Variants in PCDH15 observed in about 807,000 individuals in gnomAD.
PCDH15 encodes the protein protocadherin related 15.
PCDH15 carries 129 observed loss-of-function variants against 178.5 expected under a neutral mutation model. That is an observed-to-expected ratio of 0.72 (90% CI 0.63 to 0.84). The LOEUF (loss-of-function observed/expected upper bound fraction) is 0.84. Ranked by LOEUF, PCDH15 falls within the 40% of genes least tolerant of loss-of-function variation. PCDH15 has a pLI of 0.00. For missense variants in PCDH15, 2,230 were observed against 2,099.9 expected, an observed-to-expected ratio of 1.06 and a Z score of -1.21; for synonymous variants, 800 against 732.0, an observed-to-expected ratio of 1.09 and a Z score of -1.50.
chr10:53,896,918 C>T (rs1466268032), intron 26 of PCDH15, among the ~76,000 whole-genome samples: 2 of 151,906 alleles, frequency 1.3e-5, no homozygotes, highest in African/African-American at 2.4e-5. Flanking sequence ...TACATTATGG[C>T]GAGTTTTATC....
chr10:54,576,666 A>T (rs1315757683), intron 2 of PCDH15, among the ~76,000 whole-genome samples: 1 of 152,214 alleles, frequency 6.6e-6, no homozygotes, highest in Non-Finnish European at 1.5e-5. Context: ...GTCTAAAAAG[A>T]TGCAAATTCT....
chr10:54,217,042 T>C (rs2052156725), intron 9 of PCDH15, among the ~76,000 whole-genome samples: 1 of 152,104 alleles, frequency 6.6e-6, no homozygotes, highest in Non-Finnish European at 1.5e-5. Flanking sequence ...TACAAAGGAA[T>C]ACATACACAC....
intron 2 of PCDH15, among the ~76,000 whole-genome samples, chr10:54,954,157 G>A (rs1054211947): frequency 2.6e-5 from 4 of 151,182 alleles, no homozygotes; most frequent in Non-Finnish European, 5.9e-5. Context: ...ATAATAGAAT[G>A]TCATTGAAGC....
chr10:54,788,640 A>G (rs1951108803), intron 1 of PCDH15, among the ~76,000 whole-genome samples: 1 of 151,944 alleles, frequency 6.6e-6, no homozygotes, highest in Non-Finnish European at 1.5e-5. Context: ...TAAAATGTAA[A>G]TAATTATAAA....
intron 2 of PCDH15, among the ~76,000 whole-genome samples, chr10:55,597,839 A>C (rs1174443069): frequency 4.6e-5 from 7 of 152,252 alleles, no homozygotes; most frequent in Admixed American, 3.3e-4. Flanking sequence ...TTAATTATTT[A>C]AAGCAAGGCA....
At position 54,299,248 on chromosome 10, in the gene PCDH15, TGA is replaced by T. The variant is rs1459194903; in HGVS notation, c.876+18021_876+18022del. On this transcript the variant is annotated intron_variant, in intron 8 of 37. Coordinates refer to ENST00000644397, the MANE Select transcript of PCDH15 (RefSeq NM_001384140.1). ...CAGAGACAAAGAAGAAGTCAAAGAG[TGA>T]GAGAGAGGAAGAGACAGAGAGACAG... Among the ~76,000 whole-genome samples, 6 of 139,718 alleles carry T rather than the reference TGA, an allele frequency of 4.3e-5. No individual in the cohort carries two copies. The East Asian group carries it at 1.1e-3, about 25-fold the overall frequency. 91.7% of individuals were successfully genotyped at this position (139,718 alleles called of 152,430 possible).
chr10:54,061,522 T>C (rs1661087314), intron 18 of PCDH15, among the ~76,000 whole-genome samples: 1 of 152,074 alleles, frequency 6.6e-6, no homozygotes, highest in East Asian at 1.9e-4. Context: ...GTATTTTTAT[T>C]TCCTTTTTTT....
At chr10:54,737,200 C>T (rs1218507339) in intron 1 of PCDH15, among the ~76,000 whole-genome samples, 2 of 152,034 alleles carry the variant, frequency 1.3e-5, no homozygotes, top group Admixed American at 6.6e-5. Context: ...TTCGTTGCTC[C>T]AGGTGCTGGC....
At chr10:55,400,232 T>C (rs915416994) in intron 2 of PCDH15, among the ~76,000 whole-genome samples, 2 of 152,226 alleles carry the variant, frequency 1.3e-5, no homozygotes, top group Middle Eastern at 3.4e-3. Flanking sequence ...AATGGAGTCC[T>C]CCTACAGCTT....
At chr10:54,279,208 C>A (rs2058528687) in intron 8 of PCDH15, among the ~76,000 whole-genome samples, 1 of 151,414 alleles carries the variant, frequency 6.6e-6, no homozygotes, top group South Asian at 2.1e-4. Flanking sequence ...TTAGGCTGGG[C>A]AGCTTTTTGT....
At chr10:54,199,721 T>G (rs1017603931) in intron 10 of PCDH15, among the ~76,000 whole-genome samples, 3 of 152,064 alleles carry the variant, frequency 2.0e-5, no homozygotes, top group African/African-American at 7.2e-5. Context: ...CCGTGGTGGA[T>G]GAAATGAGAA....
At chr10:54,391,228 C>T (rs1357459555) in intron 3 of PCDH15, among the ~76,000 whole-genome samples, 1 of 152,192 alleles carries the variant, frequency 6.6e-6, no homozygotes, top group African/African-American at 2.4e-5. Flanking sequence ...TACCTGCACT[C>T]ATCCCATGCC....
chr10:53,914,035 A>G (rs182703242), intron 25 of PCDH15, among the ~76,000 whole-genome samples: 14 of 152,364 alleles, frequency 9.2e-5, no homozygotes, highest in Admixed American at 7.8e-4. Flanking sequence ...ACTGGTCATC[A>G]GAGAAATGCA....
intron 1 of PCDH15, among the ~76,000 whole-genome samples, chr10:55,254,932 G>A (rs1420331005): frequency 1.4e-5 from 2 of 145,624 alleles, no homozygotes; most frequent in African/African-American, 5.0e-5. Flanking sequence ...AAATAATTCA[G>A]CTAGTTAGCT....
At chr10:54,879,518 T>C (rs1037933606) in intron 3 of PCDH15, among the ~76,000 whole-genome samples, 1 of 151,964 alleles carries the variant, frequency 6.6e-6, no homozygotes, top group African/African-American at 2.4e-5. Flanking sequence ...CATTATTCAA[T>C]AAACTTGAAA....
chr10:55,337,857 A>C (rs2131949535), intron 2 of PCDH15, among the ~76,000 whole-genome samples: 1 of 152,228 alleles, frequency 6.6e-6, no homozygotes, highest in East Asian at 1.9e-4. Flanking sequence ...GGAAATAATT[A>C]ACGAAATATA....
intron 2 of PCDH15, among the ~76,000 whole-genome samples, chr10:55,540,361 TA>T (rs1326877573): frequency 6.6e-6 from 1 of 152,060 alleles, no homozygotes. Context: ...TCAAGTCATT[TA>T]AATAATATGG....
chr10:55,149,019 C>A (rs975106039), intron 2 of PCDH15, among the ~76,000 whole-genome samples: 13 of 151,260 alleles, frequency 8.6e-5, no homozygotes, highest in Admixed American at 7.9e-4. Context: ...TCTTTATTAT[C>A]TTAGATGAAA....
intron 3 of PCDH15, among the ~76,000 whole-genome samples, chr10:54,516,896 G>A (rs1239853911): frequency 6.6e-6 from 1 of 152,046 alleles, no homozygotes; most frequent in Admixed American, 6.6e-5. Flanking sequence ...AGAGAGTGGG[G>A]GCCAATATTC....
Sources: allele counts gnomAD v4.1 joint callset (sites outside exome capture counted in the v4.1 genomes callset), GRCh38; gene constraint gnomAD v4.1.1; transcripts MANE v1.5; gene names NCBI Gene and HGNC (gene_info 2026-07-23, HGNC 2026-07-21).